Variants in MICAL2 observed in about 807,000 individuals in gnomAD.
The protein encoded by MICAL2 is [F-actin]-monooxygenase MICAL2.
In MICAL2, 77 loss-of-function variants were observed where a neutral mutation model predicts 127.3. The observed-to-expected ratio is 0.60, with a 90% confidence interval of 0.50 to 0.73. The LOEUF (loss-of-function observed/expected upper bound fraction) is 0.73. Ranked by LOEUF, MICAL2 falls within the 30% of genes least tolerant of loss-of-function variation. The pLI, the probability that MICAL2 is intolerant of heterozygous loss-of-function variation, is 0.00. For synonymous variants in MICAL2, 570 were observed against 551.1 expected (o/e 1.03, Z -0.48); for missense variants, 1,351 against 1,434.4 (o/e 0.94, Z 0.94).
chr11:12,264,218 G>A (rs747944672), downstream of MICAL2, among the ~76,000 whole-genome samples: 20 of 152,268 alleles, frequency 1.3e-4, no homozygotes, highest in African/African-American at 4.6e-4. Flanking sequence ...AACACTTCAC[G>A]CTGGTGCACA....
rs80189374 is a variant in MICAL2 at position 12,213,505 on chromosome 11, G to T, written c.847+95G>T. The T allele has an allele frequency of 5.6e-4, 712 of 1,282,156 alleles. 1 individual carries two copies. In the East Asian group the frequency reaches 8.7e-3, roughly 16 times the overall value. The allele number at this position is 1,282,156 out of a possible 1,614,324, so 79.4% of individuals were successfully genotyped here. On this transcript the variant is annotated intron_variant, in intron 7 of 27. Coordinates refer to ENST00000683283, the MANE Select transcript of MICAL2 (RefSeq NM_001282663.2). ...GTGTGCTGGCTTTCTGGGCTCTTGG[G>T]CCTCGAGGGACTCACTCTGATAGAG...
At chr11:12,297,348 C>T (rs544411425) in intron 29 of MICAL2, among the ~76,000 whole-genome samples, 1 of 152,006 alleles carries the variant, frequency 6.6e-6, no homozygotes, top group African/African-American at 2.4e-5. Context: ...TGATACTGTC[C>T]TTTGTCCAGT....
chr11:12,247,009 T>A (rs1860847914), intron 21 of MICAL2, among the ~76,000 whole-genome samples: 1 of 152,054 alleles, frequency 6.6e-6, no homozygotes, highest in Non-Finnish European at 1.5e-5. Context: ...CAATTTTAAA[T>A]GGAGTGGTTG....
chr11:12,296,543 G>A (rs1254034339), downstream of MICAL2, among the ~76,000 whole-genome samples: 2 of 146,774 alleles, frequency 1.4e-5, no homozygotes, highest in African/African-American at 5.0e-5. Flanking sequence ...TGTGACATAA[G>A]GGTATATTAT....
chr11:12,129,882 T>C (rs188321063), intron 1 of MICAL2, among the ~76,000 whole-genome samples: 1 of 152,162 alleles, frequency 6.6e-6, no homozygotes, highest in Admixed American at 6.5e-5. Context: ...TAATTTTTTC[T>C]TTTGTTTTTA....
At chr11:12,147,416 AAT>A (rs1427143342) in intron 2 of MICAL2, among the ~76,000 whole-genome samples, 1 of 152,236 alleles carries the variant, frequency 6.6e-6, no homozygotes, top group African/African-American at 2.4e-5. Context: ...ACAGCTCATC[AAT>A]GAGTGAATTA....
rs200754218 is a variant in MICAL2, at chr11:12,330,900, AGTGTGTGTGTGTGTGT to A, written c.5515+3651_5515+3666del. Among the ~76,000 whole-genome samples, 14 of 119,444 alleles carry A rather than the reference AGTGTGTGTGTGTGTGT, an allele frequency of 1.2e-4. 1 individual carries two copies. The highest frequency in any genetic ancestry group is 3.0e-4 in the African/African-American group (10 of 32,856). 78.4% of individuals were successfully genotyped at this position (119,444 alleles called of 152,430 possible). Reference sequence around the variant, plus strand: ...GAGAGAGACAGAGAGAGAGAGAGAGAGTGTGTGTGTGTGTGTGTGTGTGTGTGTGTGTCTGTATGTG... The same window carrying A: ...GAGAGAGACAGAGAGAGAGAGAGAGAGTGTGTGTGTGTGTGTCTGTATGTG... On this transcript the variant is annotated intron_variant, in intron 32 of 34. Transcript: ENST00000646065.
chr11:12,148,761 A>G (rs1471213138), intron 2 of MICAL2, among the ~76,000 whole-genome samples: 1 of 152,208 alleles, frequency 6.6e-6, no homozygotes, highest in Non-Finnish European at 1.5e-5. Flanking sequence ...GATCAATGCA[A>G]GGGTATGTGC....
At chr11:12,289,724 A>G (rs1375999920), downstream of MICAL2, among the ~76,000 whole-genome samples, 2 of 151,854 alleles carry the variant, frequency 1.3e-5, no homozygotes, top group East Asian at 1.9e-4. Context: ...GCGCACCACC[A>G]TGCCTGGCTA....
At chr11:12,360,086 T>C (rs1056847960), downstream of MICAL2, among the ~76,000 whole-genome samples, 1 of 147,118 alleles carries the variant, frequency 6.8e-6, no homozygotes, top group Admixed American at 7.1e-5. Flanking sequence ...TGCAGTTCTT[T>C]TTCCTTTTCT....
rs767694414 is a variant in MICAL2 at position 12,256,827 on chromosome 11, G to A, written c.2998G>A (p.Asp1000Asn). The change falls in exon 24 of 28, where the codon GAC becomes AAC. Residue 1000 changes from aspartate to asparagine, a missense_variant. By Grantham distance (23) the Asp-to-Asn change is conservative. This residue lies in a region of MICAL2 where 752 missense variants were observed against 719.4 expected (regional missense o/e 1.05). Transcript: ENST00000683283. ...KSFPLNLGGS[D>N]TCYFCKKRVY... Reference sequence around the variant, plus strand: ...ATTTCCCCTTAACCTGGGAGGCAGCGACACGTGTTACTTCTGTAAGAAACG... The same window carrying A: ...ATTTCCCCTTAACCTGGGAGGCAGCAACACGTGTTACTTCTGTAAGAAACG... 6.8e-6 allele frequency: 11 copies of A among 1,613,906 alleles called. No homozygotes were observed. Among genetic ancestry groups the A allele is most frequent in the Admixed American group, 3.3e-5 (2 of 59,998 alleles).
chr11:12,202,736 A>G (rs1854173172), intron 3 of MICAL2, among the ~76,000 whole-genome samples: 1 of 152,220 alleles, frequency 6.6e-6, no homozygotes, highest in Non-Finnish European at 1.5e-5. Flanking sequence ...TAAGAATGAC[A>G]TTTACACCAG....
intron 29 of MICAL2, among the ~76,000 whole-genome samples, chr11:12,312,735 A>T (rs1372109354): frequency 6.6e-6 from 1 of 152,238 alleles, no homozygotes; most frequent in African/African-American, 2.4e-5. Flanking sequence ...ATATAATTGG[A>T]CAAAAAGAGT....
chr11:12,270,843 G>A (rs1367878185), intron 24 of MICAL2, among the ~76,000 whole-genome samples: 1 of 152,220 alleles, frequency 6.6e-6, no homozygotes, highest in Non-Finnish European at 1.5e-5. Flanking sequence ...GCACACAGGA[G>A]GCCTGTTGCG....
chr11:12,272,252 A>T (rs1398871686), upstream of MICAL2, among the ~76,000 whole-genome samples: 2 of 151,510 alleles, frequency 1.3e-5, no homozygotes, highest in African/African-American at 4.9e-5. Context: ...GCCACCCTGG[A>T]CTCCACCACT....
intron 30 of MICAL2, among the ~76,000 whole-genome samples, chr11:12,320,930 T>C (rs1864287596): frequency 6.6e-6 from 1 of 152,200 alleles, no homozygotes; most frequent in Admixed American, 6.5e-5. Context: ...TCAACACAAA[T>C]GAATTCCGTG....
chr11:12,309,035 A>G (rs1590731855), intron 29 of MICAL2, among the ~76,000 whole-genome samples: 2 of 152,302 alleles, frequency 1.3e-5, no homozygotes, highest in Admixed American at 1.3e-4. Flanking sequence ...TTTTATATGT[A>G]ACTTTTTTGT....
chr11:12,216,542 T>G (rs1189580502), intron 8 of MICAL2: 2 of 573,310 alleles, frequency 3.5e-6, no homozygotes, highest in African/African-American at 1.9e-5. Context: ...TGTGCTGCTG[T>G]GAGACCTTTA....
At chr11:12,260,844 C>T in intron 26 of MICAL2, 11 of 985,456 alleles carry the variant, frequency 1.1e-5, no homozygotes, top group Non-Finnish European at 1.3e-5. Flanking sequence ...CTTTCCCCCC[C>T]ATACCAACTC....
Sources: gnomAD v4.1 joint callset for allele counts (sites outside exome capture counted in the v4.1 genomes callset) on GRCh38, gnomAD v4.1.1 for gene constraint, gnomAD v4.1.1 regional missense constraint, MANE v1.5 for transcripts, NCBI Gene and HGNC (gene_info 2026-07-23, HGNC 2026-07-21) for gene names.